IL1RAPL1: variants seen among roughly 807,000 people sequenced by gnomAD.
IL1RAPL1 encodes the protein interleukin-1 receptor accessory protein-like 1.
Under a neutral mutation model 48.4 loss-of-function variants are expected in IL1RAPL1, and 3 were observed. That is an observed-to-expected ratio of 0.06 (90% CI 0.03 to 0.16). The LOEUF (loss-of-function observed/expected upper bound fraction) is 0.16, where lower values mean the gene tolerates loss of function less well. IL1RAPL1 is among the 10% of genes least tolerant of loss of function. The pLI is 1.00. For synonymous variants in IL1RAPL1, 185 were observed against 187.7 expected, an observed-to-expected ratio of 0.99 and a Z score of 0.12; for missense variants, 349 against 530.6, an observed-to-expected ratio of 0.66 and a Z score of 3.36.
intron 8 of IL1RAPL1, among the ~76,000 whole-genome samples, chrX:29,925,658 C>G (rs990758847): frequency 2.8e-5 from 3 of 107,066 alleles, no homozygotes; most frequent in African/African-American, 1.0e-4. Flanking sequence ...TGGCCTCAGC[C>G]TCCCTTGTGG....
intron 2 of IL1RAPL1, among the ~76,000 whole-genome samples, chrX:28,796,893 C>T (rs180881469): frequency 1.7e-4 from 19 of 112,330 alleles, no homozygotes; most frequent in African/African-American, 6.1e-4. Context: ...CCATGAGAGC[C>T]CCACCCTTAC....
chrX:29,298,622 A>G (rs1932484965), intron 3 of IL1RAPL1, among the ~76,000 whole-genome samples: 1 of 111,583 alleles, frequency 9.0e-6, no homozygotes, highest in Admixed American at 9.5e-5. Context: ...GGTGCCAAAC[A>G]AAGGGATAGT....
intron 1 of IL1RAPL1, among the ~76,000 whole-genome samples, chrX:28,735,929 G>A (rs1277367219): frequency 2.7e-5 from 3 of 110,995 alleles, no homozygotes; most frequent in Non-Finnish European, 1.9e-5. Flanking sequence ...CCTTCCTTAT[G>A]GGTAAGGAAT....
intron 2 of IL1RAPL1, among the ~76,000 whole-genome samples, chrX:28,937,648 A>G (rs776909005): frequency 2.7e-5 from 3 of 111,291 alleles, no homozygotes; most frequent in Non-Finnish European, 3.8e-5. Context: ...GACATTTTCC[A>G]TATTTCATAA....
intron 5 of IL1RAPL1, among the ~76,000 whole-genome samples, chrX:29,659,704 A>T (rs1284567075): frequency 9.0e-6 from 1 of 111,686 alleles, no homozygotes; most frequent in Non-Finnish European, 1.9e-5. Context: ...AGCTCACTGC[A>T]ACCTCCGCCT....
intron 2 of IL1RAPL1, among the ~76,000 whole-genome samples, chrX:29,246,930 T>C (rs1447314796): frequency 9.0e-6 from 1 of 111,622 alleles, no homozygotes; most frequent in Non-Finnish European, 1.9e-5. Flanking sequence ...AGTAGACATA[T>C]ACTTGAATTA....
chrX:29,845,724 G>A (rs1458707451), intron 6 of IL1RAPL1, among the ~76,000 whole-genome samples: 4 of 111,229 alleles, frequency 3.6e-5, no homozygotes, highest in Non-Finnish European at 5.7e-5. Flanking sequence ...ACCTGAGAGT[G>A]GGTAGTGAAA....
At chrX:29,632,676 G>A in intron 5 of IL1RAPL1, among the ~76,000 whole-genome samples, 1 of 111,924 alleles carries the variant, frequency 8.9e-6, no homozygotes, top group East Asian at 2.8e-4. Context: ...AGGCAAGGAG[G>A]AACCTCACGG....
chrX:29,846,285 A>G (rs539030434), intron 6 of IL1RAPL1, among the ~76,000 whole-genome samples: 1 of 111,304 alleles, frequency 9.0e-6, no homozygotes, highest in African/African-American at 3.3e-5. Context: ...TTACTTGTTC[A>G]CCAAAGGTGT....
chrX:28,719,655 G>A (rs183947372), intron 1 of IL1RAPL1, among the ~76,000 whole-genome samples: 5 of 110,799 alleles, frequency 4.5e-5, no homozygotes, highest in Admixed American at 3.9e-4. Flanking sequence ...AAACCAGCTC[G>A]TAGATGACCT....
chrX:29,677,844 A>G (rs1926329126), intron 6 of IL1RAPL1, among the ~76,000 whole-genome samples: 2 of 112,290 alleles, frequency 1.8e-5, no homozygotes, highest in Admixed American at 9.4e-5. Flanking sequence ...AAGTAACCAG[A>G]ATATCTCATG....
chrX:29,565,736 T>C (rs1406166473), intron 5 of IL1RAPL1, among the ~76,000 whole-genome samples: 1 of 111,793 alleles, frequency 8.9e-6, no homozygotes, highest in Non-Finnish European at 1.9e-5. Flanking sequence ...CCTTGAGAAA[T>C]ACTAATACAT....
chrX:29,228,178 GCACACACA>G (rs35435025), intron 2 of IL1RAPL1, among the ~76,000 whole-genome samples: 1,497 of 84,352 alleles, frequency 0.018, 24 homozygotes, highest in African/African-American at 0.025. Flanking sequence ...ACACACGCGT[GCACACACA>G]CACACACACA....
intron 5 of IL1RAPL1, among the ~76,000 whole-genome samples, chrX:29,468,614 GTCT>G (rs1934888807): frequency 1.8e-5 from 2 of 111,488 alleles, no homozygotes; most frequent in Admixed American, 1.9e-4. Flanking sequence ...CTCTTGTCTG[GTCT>G]TCTTTGCAGA....
chrX:28,815,806 A>G (rs1220153391), intron 2 of IL1RAPL1, among the ~76,000 whole-genome samples: 2 of 85,268 alleles, frequency 2.3e-5, no homozygotes, highest in African/African-American at 4.2e-5. Context: ...TTATGGCAGA[A>G]TATTAATCTA....
At chrX:29,775,027 C>A (rs189778129) in intron 6 of IL1RAPL1, among the ~76,000 whole-genome samples, 157 of 111,760 alleles carry the variant, frequency 1.4e-3, no homozygotes, top group Non-Finnish European at 2.5e-3. Flanking sequence ...ATTTTTGTTT[C>A]ATGTCTTGAG....
At chrX:29,633,071 C>T (rs1924834114) in intron 5 of IL1RAPL1, among the ~76,000 whole-genome samples, 1 of 111,212 alleles carries the variant, frequency 9.0e-6, no homozygotes, top group South Asian at 3.8e-4. Context: ...TTCATAGTAG[C>T]ACTATTGGTA....
chrX:29,578,747 C>T (rs5927035), intron 5 of IL1RAPL1, among the ~76,000 whole-genome samples: 54,963 of 110,906 alleles, frequency 0.5, 10,536 homozygotes, highest in African/African-American at 0.71. Flanking sequence ...TCTAGTTTCA[C>T]TATACATCAA....
intron 6 of IL1RAPL1, among the ~76,000 whole-genome samples, chrX:29,767,570 TGA>T (rs1166582386): frequency 8.9e-6 from 1 of 111,966 alleles, no homozygotes; most frequent in Non-Finnish European, 1.9e-5. Context: ...GCTAACCAAG[TGA>T]TATAGAACAT....
Sources: gnomAD v4.1 joint callset for allele counts (sites outside exome capture counted in the v4.1 genomes callset) on GRCh38, gnomAD v4.1.1 for gene constraint, MANE v1.5 for transcripts, NCBI Gene and HGNC (gene_info 2026-07-23, HGNC 2026-07-21) for gene names.